Variants in IL15RA observed in about 807,000 individuals in gnomAD.
IL15RA encodes interleukin-15 receptor subunit alpha.
In IL15RA, 26 loss-of-function variants were observed where a neutral mutation model predicts 24.2. That is an observed-to-expected ratio of 1.07 (90% CI 0.79 to 1.49). The LOEUF (loss-of-function observed/expected upper bound fraction) is 1.49, where lower values mean the gene tolerates loss of function less well. IL15RA is among the 40% of genes most tolerant of loss of function. IL15RA has a pLI of 0.00. For missense variants in IL15RA, 354 were observed against 356.4 expected, an observed-to-expected ratio of 0.99 and a Z score of 0.05; for synonymous variants, 166 against 157.6, an observed-to-expected ratio of 1.05 and a Z score of -0.40.
intron 1 of IL15RA, among the ~76,000 whole-genome samples, chr10:5,969,342 A>T (rs1564514617): frequency 2.2e-5 from 3 of 135,894 alleles, no homozygotes; most frequent in East Asian, 2.1e-4. Context: ...TAAAATTTTT[A>T]AATTAAATTT....
At position 5,962,714 on chromosome 10, in the gene IL15RA, C is replaced by A. The variant is rs1184817792; in HGVS notation, c.382+1029G>T. Among the ~76,000 whole-genome samples the A allele has an allele frequency of 6.6e-6, 1 of 152,074 alleles. No homozygotes were observed. The highest frequency in any genetic ancestry group is 1.5e-5 in the Non-Finnish European group (1 of 68,038). Reference sequence around the variant, plus strand: ...CCCACGGCTGACAACTGACACTCCGCAAAGGATGGCTGAGTCCTGTAGTAT... The same window carrying A: ...CCCACGGCTGACAACTGACACTCCGAAAAGGATGGCTGAGTCCTGTAGTAT... On this transcript the variant is annotated intron_variant, in intron 3 of 6. Transcript: ENST00000379977. The surrounding 1 kb of genome is among the most constrained non-coding windows in gnomAD (Gnocchi z 5.2).
Position 5,952,714 on chromosome 10 carries a change from CT to C in IL15RA, c.*380del, listed in dbSNP as rs1328047456. 1 of 248,488 alleles carries C rather than the reference CT, an allele frequency of 4.0e-6. No individual in the cohort carries two copies. Among genetic ancestry groups the C allele is most frequent in the Non-Finnish European group, 7.8e-6 (1 of 128,226 alleles). 15.4% of individuals were successfully genotyped at this position (248,488 alleles called of 1,614,324 possible). A position where few individuals can be genotyped will look rare whatever the true frequency, so the allele number is the denominator to read the frequency against. On this transcript the variant is annotated 3_prime_UTR_variant, in exon 7 of 7. Coordinates refer to ENST00000379977, the MANE Select transcript of IL15RA (RefSeq NM_002189.4). ...TTGACAGAGAGCTTTGGGTATGTCA[CT>C]TTTCTCTGTGAACTGAAAGTTAGGA...
rs1835127519 is a variant in IL15RA at position 5,959,461 on chromosome 10, AC to A, written c.616+292del. Among the ~76,000 whole-genome samples the A allele has an allele frequency of 6.6e-6, 1 of 152,158 alleles. No homozygotes were observed. Among genetic ancestry groups the A allele is most frequent in the Admixed American group, 6.5e-5 (1 of 15,274 alleles). On this transcript the variant is annotated intron_variant, in intron 5 of 6. Coordinates refer to ENST00000379977, the MANE Select transcript of IL15RA (RefSeq NM_002189.4). This position sits in a 1 kb window ranked among gnomAD's most constrained non-coding sequence, Gnocchi z 4.1. ...TGGATGCTCCATGCAAAAGAGGTGC[AC>A]CCTGCTGTGAAGAGCTGACCTTGAG...
Position 5,968,754 on chromosome 10 carries a change from C to T in IL15RA, c.89-2415G>A. Reference sequence around the variant, plus strand: ...ACACTTGCCCACCCCATCCTGCCCTCCATGATAGATGGCTGTGCTACCTGC... The same window carrying T: ...ACACTTGCCCACCCCATCCTGCCCTTCATGATAGATGGCTGTGCTACCTGC... On this transcript the variant is annotated intron_variant, in intron 1 of 6. Coordinates refer to ENST00000379977, the MANE Select transcript of IL15RA (RefSeq NM_002189.4). The surrounding 1 kb of genome is among the most constrained non-coding windows in gnomAD (Gnocchi z 5.4). The T allele has an allele frequency of 1.4e-6, 1 of 702,734 alleles. No homozygotes were observed. The highest frequency in any genetic ancestry group is 2.7e-5 in the East Asian group (1 of 37,284). 43.5% of individuals were successfully genotyped at this position (702,734 alleles called of 1,614,324 possible). A position where few individuals can be genotyped will look rare whatever the true frequency, so the allele number is the denominator to read the frequency against.
chr10:5,975,560 G>C lies in IL15RA; in HGVS notation c.88+1845C>G, dbSNP rs41294201. Among the ~76,000 whole-genome samples the C allele has an allele frequency of 0.011, 1,596 of 150,600 alleles. 27 individuals carry two copies. Among genetic ancestry groups the C allele is most frequent in the Admixed American group, 0.035 (524 of 15,004 alleles). ...ACTTCAATATATGCAGTTTATTGTC[G>C]GTCAATTATACCTCAATAAGGCTGT... On this transcript the variant is annotated intron_variant, in intron 1 of 6. Transcript: ENST00000379977. This position sits in a 1 kb window ranked among gnomAD's most constrained non-coding sequence, Gnocchi z 4.8.
downstream of IL15RA, chr10:5,950,873 C>T (rs3181152): frequency 0.49 from 73,817 of 151,996 alleles, 18,392 homozygotes; most frequent in African/African-American, 0.58. This position sits in a 1 kb window ranked among gnomAD's most constrained non-coding sequence, Gnocchi z 5.6. Flanking sequence ...TGTGGTGGCT[C>T]ATGCCTGTAA....
At chr10:5,952,044 C>T (rs1211547357), downstream of IL15RA, among the ~76,000 whole-genome samples, 1 of 152,138 alleles carries the variant, frequency 6.6e-6, no homozygotes, top group Non-Finnish European at 1.5e-5. Context: ...CTCAATTTCT[C>T]ATCTATAAAA....
At chr10:5,954,679 C>A (rs561725414) in intron 6 of IL15RA, among the ~76,000 whole-genome samples, 3 of 151,948 alleles carry the variant, frequency 2.0e-5, no homozygotes, top group Non-Finnish European at 2.9e-5. Context: ...TTTACAAATC[C>A]TTTTTAAGAA....
chr10:5,956,389 G>C lies in IL15RA; in HGVS notation c.682C>G (p.Leu228Val), dbSNP rs773640996. Residue 228 changes from leucine to valine, a missense_variant, in exon 6 of 7, where the codon CTC becomes GTC. Physicochemically the swap from Leu to Val is conservative, Grantham distance 32 (BLOSUM62 1). Transcript: ENST00000379977. The part of the protein sequence containing the change: ...LSAVSLLACY[L>V]KSRQTPPLAS... Reference sequence around the variant, plus strand: ...TCCAGTGCAACTCACCTTGACTTGAGGTAGCATGCCAGGAGAGACACAGCG... The same window carrying C: ...TCCAGTGCAACTCACCTTGACTTGACGTAGCATGCCAGGAGAGACACAGCG... The C allele has an allele frequency of 9.3e-6, 15 of 1,613,106 alleles. No homozygotes were observed. The highest frequency in any genetic ancestry group is 1.3e-5 in the Non-Finnish European group (15 of 1,179,104).
chr10:5,977,307 C>G (rs1838613731), intron 1 of IL15RA, 98 bp downstream of exon 1: 1 of 517,204 alleles, frequency 1.9e-6, no homozygotes, highest in Non-Finnish European at 3.0e-6. Context: ...CCGACGCCCC[C>G]GCACGGCCCG....
At chr10:5,957,593 C>CTTTT (rs34002653) in intron 5 of IL15RA, among the ~76,000 whole-genome samples, 4 of 131,600 alleles carry the variant, frequency 3.0e-5, no homozygotes, top group African/African-American at 8.7e-5. Flanking sequence ...TTTTCTTCTT[C>CTTTT]TTTTTTTTTT....
At position 5,965,134 on chromosome 10, in the gene IL15RA, G is replaced by A. The variant is rs929994222; in HGVS notation, c.283+1011C>T. 6.6e-6 allele frequency among the ~76,000 whole-genome samples: 1 copy of A among 152,220 alleles called. No individual in the cohort carries two copies. The highest frequency in any genetic ancestry group is 2.4e-5 in the African/African-American group (1 of 41,460). On this transcript the variant is annotated intron_variant, in intron 2 of 6. Transcript: ENST00000379977. The surrounding 1 kb of genome is among the most constrained non-coding windows in gnomAD (Gnocchi z 5.8). ...AACTGGGGAAGGAGAGAAGCCTGCA[G>A]AGGTGGGCCTGAGTGTTCCAGAAAC...
Position 5,960,269 on chromosome 10 carries a change from GGATTGATGGTATAAAGC to G in IL15RA, c.583+81_583+97del. The G allele has an allele frequency of 8.9e-7, 1 of 1,128,286 alleles. No individual in the cohort carries two copies. The highest frequency in any genetic ancestry group is 1.3e-5 in the South Asian group (1 of 75,714). The allele number at this position is 1,128,286 out of a possible 1,614,324, so 69.9% of individuals were successfully genotyped here. On this transcript the variant is annotated intron_variant, in intron 4 of 6. Transcript: ENST00000379977. The surrounding 1 kb of genome is among the most constrained non-coding windows in gnomAD (Gnocchi z 5.1). ...AGGCTGCCCAGTGAATCCTGACTTT[GGATTGATGGTATAAAGC>G]TGCCTTGTGCCGGATCTCAGCCCCG...
intron 1 of IL15RA, among the ~76,000 whole-genome samples, chr10:5,969,392 A>T (rs1837213578): frequency 6.6e-6 from 1 of 150,640 alleles, no homozygotes. Flanking sequence ...AATTTTTCCA[A>T]GATAGAGTCT....
chr10:5,955,875 G>A lies in IL15RA; in HGVS notation c.692+504C>T, dbSNP rs1314707770. On this transcript the variant is annotated intron_variant, in intron 6 of 6. Coordinates refer to ENST00000379977, the MANE Select transcript of IL15RA (RefSeq NM_002189.4). The surrounding 1 kb of genome is among the most constrained non-coding windows in gnomAD (Gnocchi z 5.3). ...TTTCTACCATGAGCAGGGGTAGGGG[G>A]CACTTGGGCTTGGGCCTAGCTCACT... Among the ~76,000 whole-genome samples the A allele has an allele frequency of 2.6e-5, 4 of 152,310 alleles. No individual in the cohort carries two copies. The East Asian group carries it at 5.8e-4, about 22-fold the overall frequency.
rs955336809 is a variant in IL15RA at position 5,952,940 on chromosome 10, C to T, written c.*155G>A. 1.5e-6 allele frequency: 1 copy of T among 646,708 alleles called. No individual in the cohort carries two copies. Among genetic ancestry groups the T allele is most frequent in the Non-Finnish European group, 2.8e-6 (1 of 362,444 alleles). The allele number at this position is 646,708 out of a possible 1,614,324, so 40.1% of individuals were successfully genotyped here. A position where few individuals can be genotyped will look rare whatever the true frequency, so the allele number is the denominator to read the frequency against. On this transcript the variant is annotated 3_prime_UTR_variant, in exon 7 of 7. Coordinates refer to ENST00000379977, the MANE Select transcript of IL15RA (RefSeq NM_002189.4). ...AACCTGCTCCCTCGCGCAGGAGGCG[C>T]CGACCCGGCAGTCCGTGAGATCCTG...
At chr10:5,949,291 C>T (rs1270350306), downstream of IL15RA, 1 of 471,220 alleles carries the variant, frequency 2.1e-6, no homozygotes, top group South Asian at 1.5e-5. This position sits in a 1 kb window ranked among gnomAD's most constrained non-coding sequence, Gnocchi z 4.4. Context: ...GGAGGTGTTT[C>T]ATCCTGAATA....
At chr10:5,976,124 C>T (rs1838414798) in intron 1 of IL15RA, among the ~76,000 whole-genome samples, 1 of 152,182 alleles carries the variant, frequency 6.6e-6, no homozygotes, top group African/African-American at 2.4e-5. Context: ...TCCAGCTGCC[C>T]CAGTTGCCAG....
Position 5,956,434 on chromosome 10 carries a change from C to A in IL15RA, c.637G>T (p.Val213Phe). The A allele has an allele frequency of 2.5e-6, 4 of 1,614,078 alleles. No individual in the cohort carries two copies. Among genetic ancestry groups the A allele is most frequent in the Non-Finnish European group, 3.4e-6 (4 of 1,179,928 alleles). ...DTTVAISTST[V>F]LLCGLSAVSL... ...ACAGCGCTCAGCCCACACAGCAGGACAGTGGACGTGGAGATAGCCACTGAA... is the reference window on the plus strand; with the variant it reads ...ACAGCGCTCAGCCCACACAGCAGGAAAGTGGACGTGGAGATAGCCACTGAA... The change falls in exon 6 of 7, where the codon GTC becomes TTC. Residue 213 changes from valine (V) to phenylalanine (F), a missense_variant. Physicochemically the swap from Val to Phe is conservative, Grantham distance 50. Coordinates refer to ENST00000379977, the MANE Select transcript of IL15RA (RefSeq NM_002189.4).
Sources: allele counts gnomAD v4.1 joint callset (sites outside exome capture counted in the v4.1 genomes callset), GRCh38; gene constraint gnomAD v4.1.1; non-coding constraint Gnocchi (gnomAD v3.1); transcripts MANE v1.5; gene names NCBI Gene and HGNC (gene_info 2026-07-23, HGNC 2026-07-21).